Variants in NPHP4 observed in about 807,000 individuals in gnomAD.
The protein encoded by NPHP4 is nephrocystin-4.
In NPHP4, 151 loss-of-function variants were observed where a neutral mutation model predicts 155.8. That is an observed-to-expected ratio of 0.97 (90% CI 0.85 to 1.11). The LOEUF (loss-of-function observed/expected upper bound fraction) is 1.11. Among genes scored for constraint, NPHP4 ranks in the 50% least tolerant of loss-of-function variants. NPHP4 has a pLI of 0.00. For synonymous variants in NPHP4, 845 were observed against 816.8 expected (o/e 1.03, Z -0.59); for missense variants, 1,956 against 1,925.7 (o/e 1.02, Z -0.29).
Position 5,880,113 on chromosome 1 carries a change from C to A in NPHP4, c.2611+1G>T. On this transcript the variant is annotated splice_donor_variant, in intron 19 of 29. Transcript: ENST00000378156. LOFTEE classifies it high-confidence loss of function. The stretch of plus-strand genomic sequence containing the variant: ...ACATGGGCCCAACAGTGTAAACTCA[C>A]GCCTTGAGCTTCCAGTCGTGAGGAG... 1 of 1,613,648 alleles carries A rather than the reference C, an allele frequency of 6.2e-7. No homozygotes were observed. The highest frequency in any genetic ancestry group is 8.5e-7 in the Non-Finnish European group (1 of 1,179,710).
intron 2 of NPHP4, among the ~76,000 whole-genome samples, chr1:5,978,931 A>G (rs1034438250): frequency 1.3e-5 from 2 of 152,178 alleles, no homozygotes; most frequent in Non-Finnish European, 2.9e-5. Context: ...TAAATCCTCA[A>G]CTTCCCAGAT....
intron 7 of NPHP4, among the ~76,000 whole-genome samples, chr1:5,949,369 C>CACACACACACACACACACAA (rs1047844844): frequency 6.6e-6 from 1 of 151,826 alleles, no homozygotes; most frequent in Non-Finnish European, 1.5e-5. Context: ...CACACACACA[C>CACACACACACACACACACAA]AACTTGCTAA....
intron 2 of NPHP4, among the ~76,000 whole-genome samples, chr1:5,984,027 A>G (rs575512365): frequency 5.3e-5 from 8 of 152,338 alleles, no homozygotes; most frequent in Admixed American, 2.6e-4. Context: ...CTACAGACAT[A>G]TCTGTACATG....
rs193250453 is a variant in NPHP4 at position 5,942,271 on chromosome 1, C to A, written c.1119+4833G>T. ...ACTAGGCCATGCACAGTGGCTCATG[C>A]CTGTAATCCCAGCACTTTGGAAGGC... On this transcript the variant is annotated intron_variant, in intron 9 of 29. Transcript: ENST00000378156. Among the ~76,000 whole-genome samples the A allele has an allele frequency of 3.0e-4, 46 of 152,206 alleles. 2 individuals are homozygous for A. The East Asian group carries it at 6.9e-3, about 23-fold the overall frequency.
chr1:5,867,848 T>C lies in NPHP4; in HGVS notation c.3364A>G (p.Thr1122Ala), dbSNP rs375836844. Residue 1122 changes from threonine (T) to alanine (A), a missense_variant, in exon 24 of 30, where the codon ACT becomes GCT. Coordinates refer to ENST00000378156, the MANE Select transcript of NPHP4 (RefSeq NM_015102.5). This position sits in a 1 kb window ranked among gnomAD's most constrained non-coding sequence, Gnocchi z 4.1. The part of the protein sequence containing the change: ...GGKPIAVLCL[T>A]VELQPHVVDQ... ...ACCACGTGGGGCTGCAGCTCCACAG[T>C]CAGGCAGAGCACGGCGATGGGCTTG... 1.9e-6 allele frequency: 3 copies of C among 1,613,820 alleles called. No individual in the cohort carries two copies. The highest frequency in any genetic ancestry group is 1.7e-6 in the Non-Finnish European group (2 of 1,179,830).
At chr1:5,953,355 C>T (rs1648561396) in intron 6 of NPHP4, among the ~76,000 whole-genome samples, 1 of 152,178 alleles carries the variant, frequency 6.6e-6, no homozygotes. Context: ...CCGCCTACCT[C>T]GGCCTCCCAA....
chr1:5,935,329 G>A (rs897072710), intron 9 of NPHP4, among the ~76,000 whole-genome samples: 5 of 152,100 alleles, frequency 3.3e-5, no homozygotes, highest in Non-Finnish European at 5.9e-5. Context: ...TCACGCCCCC[G>A]TCACAGGGTG....
rs1349543323 is a variant in NPHP4, at chr1:5,889,085, AG to A, written c.2305-1620del. On this transcript the variant is annotated intron_variant, in intron 17 of 29. Coordinates refer to ENST00000378156, the MANE Select transcript of NPHP4 (RefSeq NM_015102.5). The surrounding 1 kb of genome is among the most constrained non-coding windows in gnomAD (Gnocchi z 4.2). ...GGCAGCACAGGAGCCGTCCGTCCCTAGAGGAAACTCTTCTCATCGTCGTAGC... is the reference window on the plus strand; with the variant it reads ...GGCAGCACAGGAGCCGTCCGTCCCTAAGGAAACTCTTCTCATCGTCGTAGC... Among the ~76,000 whole-genome samples the A allele has an allele frequency of 3.9e-5, 6 of 152,212 alleles. No individual in the cohort carries two copies. The highest frequency in any genetic ancestry group is 8.8e-5 in the Non-Finnish European group (6 of 68,034).
intron 7 of NPHP4, 38 bp downstream of exon 7, chr1:5,952,662 G>A (rs1303417881): frequency 1.4e-6 from 2 of 1,405,626 alleles, no homozygotes; most frequent in East Asian, 6.5e-5. Context: ...CCCCTGCCTG[G>A]CCCCACCCTG....
chr1:5,916,831 AAC>A (rs1414739759), intron 11 of NPHP4, among the ~76,000 whole-genome samples: 1 of 152,240 alleles, frequency 6.6e-6, no homozygotes, highest in Non-Finnish European at 1.5e-5. Context: ...AACATGGCGA[AAC>A]CCCATCTCTA....
In NPHP4 at chr1:5,890,815, G is replaced by T; in HGVS notation, c.2304+53C>A. On this transcript the variant is annotated intron_variant, in intron 17 of 29. Transcript: ENST00000378156. The surrounding 1 kb of genome is among the most constrained non-coding windows in gnomAD (Gnocchi z 4.9). ...CAGACAGACGCTGGAAGCGTGACTCGTCCCATGAGGGACGCAGCACCCACT... is the reference window on the plus strand; with the variant it reads ...CAGACAGACGCTGGAAGCGTGACTCTTCCCATGAGGGACGCAGCACCCACT... 6.5e-7 allele frequency: 1 copy of T among 1,548,972 alleles called. No individual in the cohort carries two copies. Among genetic ancestry groups the T allele is most frequent in the Non-Finnish European group, 8.8e-7 (1 of 1,133,178 alleles).
chr1:5,980,752 C>T (rs1654545783), intron 2 of NPHP4, among the ~76,000 whole-genome samples: 1 of 152,168 alleles, frequency 6.6e-6, no homozygotes, highest in Admixed American at 6.5e-5. Context: ...TCTCGCATCT[C>T]AAGTGAAGCA....
At chr1:5,902,326 C>A (rs948171726) in intron 16 of NPHP4, among the ~76,000 whole-genome samples, 1 of 152,266 alleles carries the variant, frequency 6.6e-6, no homozygotes, top group African/African-American at 2.4e-5. Context: ...GTCTGGCCAA[C>A]CTCCACCTGC....
At position 5,943,963 on chromosome 1, in the gene NPHP4, G is replaced by A. The variant is rs564940283; in HGVS notation, c.1119+3141C>T. Among the ~76,000 whole-genome samples the A allele has an allele frequency of 3.3e-5, 5 of 152,284 alleles. No individual in the cohort carries two copies. In the South Asian group the frequency reaches 1.0e-3, roughly 32 times the overall value. ...AGACATGAGCGATAAATTGGGGGTT[G>A]GAGGTGGGTGCAGGGAGCGCACCAC... On this transcript the variant is annotated intron_variant, in intron 9 of 29. Coordinates refer to ENST00000378156, the MANE Select transcript of NPHP4 (RefSeq NM_015102.5).
chr1:5,949,481 T>C (rs1030071359), intron 7 of NPHP4, among the ~76,000 whole-genome samples: 3 of 152,046 alleles, frequency 2.0e-5, no homozygotes, highest in African/African-American at 4.8e-5. Context: ...TCACGTGTCA[T>C]TGTAAACAAA....
At chr1:5,887,014 C>T in intron 18 of NPHP4, 1 of 441,578 alleles carries the variant, frequency 2.3e-6, no homozygotes. Flanking sequence ...CCCGGAGATC[C>T]TCCAGGGATA....
At chr1:5,979,020 C>A (rs1000144425) in intron 2 of NPHP4, among the ~76,000 whole-genome samples, 5 of 148,486 alleles carry the variant, frequency 3.4e-5, no homozygotes, top group Non-Finnish European at 7.4e-5. Context: ...AACAAAGCAG[C>A]CAGAGTGTAG....
intron 10 of NPHP4, among the ~76,000 whole-genome samples, chr1:5,928,734 T>C (rs1231641887): frequency 6.6e-6 from 1 of 152,270 alleles, no homozygotes; most frequent in Non-Finnish European, 1.5e-5. Context: ...ACTGTTCTTT[T>C]TTCAAAACTA....
At chr1:5,955,713 G>A (rs1463308821) in intron 6 of NPHP4, among the ~76,000 whole-genome samples, 4 of 152,198 alleles carry the variant, frequency 2.6e-5, no homozygotes, top group Non-Finnish European at 5.9e-5. Context: ...CCATAGAAGC[G>A]GAGCACAGAA....
Sources: gnomAD v4.1 joint callset for allele counts (sites outside exome capture counted in the v4.1 genomes callset) on GRCh38, gnomAD v4.1.1 for gene constraint, Gnocchi (gnomAD v3.1) non-coding constraint, MANE v1.5 for transcripts, NCBI Gene and HGNC (gene_info 2026-07-23, HGNC 2026-07-21) for gene names.